FER: variants seen among roughly 807,000 people sequenced by gnomAD.
FER encodes FER tyrosine kinase.
In FER, 63 loss-of-function variants were observed where a neutral mutation model predicts 111.0. The ratio of observed to expected loss-of-function variants is 0.57; its 90% CI spans 0.46 to 0.70. The LOEUF (loss-of-function observed/expected upper bound fraction) is 0.70. Among genes scored for constraint, FER ranks in the 30% least tolerant of loss-of-function variants. The pLI, the probability that FER is intolerant of heterozygous loss-of-function variation, is 0.00. For synonymous variants in FER, 327 were observed against 313.9 expected, an observed-to-expected ratio of 1.04 and a Z score of -0.44; for missense variants, 914 against 954.0, an observed-to-expected ratio of 0.96 and a Z score of 0.55.
chr5:109,155,587 C>T (rs1755279363), intron 17 of FER, among the ~76,000 whole-genome samples: 1 of 151,870 alleles, frequency 6.6e-6, no homozygotes, highest in African/African-American at 2.4e-5. Flanking sequence ...TGATAGTGAT[C>T]TCAACACTCA....
At chr5:108,796,691 G>C (rs1235948801) in intron 2 of FER, among the ~76,000 whole-genome samples, 2 of 152,050 alleles carry the variant, frequency 1.3e-5, no homozygotes, top group Non-Finnish European at 2.9e-5. Context: ...GGCTACTGCT[G>C]ATGTTGACGT....
At chr5:108,917,310 T>C (rs1474211771) in intron 10 of FER, among the ~76,000 whole-genome samples, 3 of 152,192 alleles carry the variant, frequency 2.0e-5, no homozygotes, top group Non-Finnish European at 4.4e-5. Context: ...ATTTTTAAGA[T>C]AGGCCATGCT....
Position 109,047,317 on chromosome 5 carries a change from C to T in FER, c.1924+119C>T. ...TCTCCAAGGATTTTGTTTAACATTT[C>T]CAGATAACAAAAGAGTCTGTACCTA... is the stretch of plus-strand genomic sequence containing the variant. On this transcript the variant is annotated intron_variant, in intron 16 of 19. Coordinates refer to ENST00000281092, the MANE Select transcript of FER (RefSeq NM_005246.4). The T allele has an allele frequency of 5.0e-6, 3 of 600,280 alleles. No individual in the cohort carries two copies. In the South Asian group the frequency reaches 7.0e-5, roughly 14 times the overall value. The allele number at this position is 600,280 out of a possible 1,614,324, so 37.2% of individuals were successfully genotyped here. A position where few individuals can be genotyped will look rare whatever the true frequency, so the allele number is the denominator to read the frequency against.
At chr5:108,946,365 T>A in intron 11 of FER, 143 bp downstream of exon 11, 2 of 519,838 alleles carry the variant, frequency 3.8e-6, no homozygotes, top group Non-Finnish European at 6.6e-6. Flanking sequence ...AATGGAAAGA[T>A]AAGTGCATAA....
chr5:109,043,434 T>A (rs1026062579), intron 14 of FER, among the ~76,000 whole-genome samples: 4 of 152,224 alleles, frequency 2.6e-5, no homozygotes, highest in African/African-American at 9.6e-5. Context: ...GATCATTGTT[T>A]TATAAATATT....
At chr5:109,182,867 G>T (rs533325272) in intron 18 of FER, among the ~76,000 whole-genome samples, 1 of 152,148 alleles carries the variant, frequency 6.6e-6, no homozygotes, top group East Asian at 1.9e-4. Flanking sequence ...ATTGAGACAG[G>T]GTCTTACTTT....
intron 9 of FER, among the ~76,000 whole-genome samples, chr5:108,896,709 CTT>C (rs1488306396): frequency 2.0e-4 from 31 of 152,110 alleles, no homozygotes; most frequent in East Asian, 1.3e-3. Flanking sequence ...ATAAATCTCT[CTT>C]AGTGTGGGTT....
chr5:108,954,054 A>T (rs1173809496), intron 11 of FER, among the ~76,000 whole-genome samples: 2 of 152,072 alleles, frequency 1.3e-5, no homozygotes, highest in African/African-American at 4.8e-5. Flanking sequence ...TTTCTCTACC[A>T]TGCTCATGGT....
intron 13 of FER, among the ~76,000 whole-genome samples, chr5:109,017,395 T>C (rs1219728196): frequency 1.3e-5 from 2 of 152,034 alleles, no homozygotes; most frequent in Admixed American, 6.6e-5. Context: ...AGAATTGCTT[T>C]GGATTGTTTT....
chr5:108,967,154 C>T (rs72789316), intron 13 of FER, among the ~76,000 whole-genome samples: 17,637 of 152,122 alleles, frequency 0.12, 1,110 homozygotes, highest in Middle Eastern at 0.16. Context: ...CAGCTCAGCC[C>T]GCCTGTGTTA....
chr5:108,805,384 G>T (rs772395423), intron 3 of FER, among the ~76,000 whole-genome samples: 56 of 152,182 alleles, frequency 3.7e-4, no homozygotes, highest in Non-Finnish European at 6.0e-4. Flanking sequence ...TCAGCAGCAT[G>T]AAAACAGATT....
chr5:108,979,949 A>C (rs554196490), intron 13 of FER, among the ~76,000 whole-genome samples: 1 of 152,184 alleles, frequency 6.6e-6, no homozygotes, highest in Admixed American at 6.5e-5. Flanking sequence ...TGAATATGGG[A>C]TGGGGCACCA....
intron 3 of FER, among the ~76,000 whole-genome samples, chr5:108,816,280 A>G (rs1439090824): frequency 6.6e-6 from 1 of 152,244 alleles, no homozygotes; most frequent in East Asian, 1.9e-4. Context: ...AGGAATACAT[A>G]GTAGACACAC....
chr5:108,815,907 G>C (rs1758220337), intron 3 of FER, among the ~76,000 whole-genome samples: 1 of 152,024 alleles, frequency 6.6e-6, no homozygotes, highest in Non-Finnish European at 1.5e-5. Context: ...AGCCACTTCT[G>C]CTATACCACC....
intron 12 of FER, among the ~76,000 whole-genome samples, chr5:108,955,946 A>G (rs1321444205): frequency 2.0e-5 from 3 of 151,816 alleles, no homozygotes; most frequent in Non-Finnish European, 4.4e-5. Context: ...ATTCAGTGGC[A>G]TTTAGTACAT....
rs145721463 is a variant in FER, at chr5:109,059,861, G to A, written c.1924+12663G>A. Reference sequence around the variant, plus strand: ...ATAAGAGAAATAAAAACCTCTGTCCGTGCAAATACTTGTATGTAAATGATT... The same window carrying A: ...ATAAGAGAAATAAAAACCTCTGTCCATGCAAATACTTGTATGTAAATGATT... On this transcript the variant is annotated intron_variant, in intron 16 of 19. Transcript: ENST00000281092. Among the ~76,000 whole-genome samples, 182 of 152,180 alleles carry A rather than the reference G, an allele frequency of 1.2e-3. 1 individual carries two copies. Among genetic ancestry groups the A allele is most frequent in the Middle Eastern group, 3.4e-3 (1 of 294 alleles).
chr5:108,762,353 CT>C (rs1199670198), intron 1 of FER, among the ~76,000 whole-genome samples: 3 of 152,196 alleles, frequency 2.0e-5, no homozygotes, highest in Non-Finnish European at 2.9e-5. Context: ...TCAGCATACT[CT>C]GTTTTCTTCA....
intron 8 of FER, among the ~76,000 whole-genome samples, chr5:108,872,831 T>C (rs1764727228): frequency 6.6e-6 from 1 of 152,210 alleles, no homozygotes; most frequent in South Asian, 2.1e-4. Context: ...TTAACCTATC[T>C]CTTGATTTTG....
At chr5:108,774,317 G>A (rs1303131195) in intron 2 of FER, among the ~76,000 whole-genome samples, 1 of 152,164 alleles carries the variant, frequency 6.6e-6, no homozygotes, top group Non-Finnish European at 1.5e-5. Flanking sequence ...GGGCATTTGG[G>A]TTGGTTCTGT....
Sources: gnomAD v4.1 joint callset for allele counts (sites outside exome capture counted in the v4.1 genomes callset) on GRCh38, gnomAD v4.1.1 for gene constraint, MANE v1.5 for transcripts, NCBI Gene and HGNC (gene_info 2026-07-23, HGNC 2026-07-21) for gene names.